Variants in HROB observed in about 807,000 individuals in gnomAD.
HROB encodes the protein homologous recombination OB-fold protein.
A neutral mutation model predicts 61.0 loss-of-function variants in HROB; 44 were observed. That is an observed-to-expected ratio of 0.72 (90% CI 0.57 to 0.93). The LOEUF is 0.93. Among genes scored for constraint, HROB ranks in the 40% least tolerant of loss-of-function variants. HROB has a pLI of 0.00. For missense variants in HROB, 716 were observed against 796.2 expected, an observed-to-expected ratio of 0.90 and a Z score of 1.21; for synonymous variants, 301 against 310.4, an observed-to-expected ratio of 0.97 and a Z score of 0.32.
chr17:44,149,544 TGACCCTCTTTTCCTTTTTTTAAGAA>T (rs1422719501), intron 3 of HROB, among the ~76,000 whole-genome samples: 5 of 152,194 alleles, frequency 3.3e-5, no homozygotes, highest in Non-Finnish European at 4.4e-5. Flanking sequence ...CCACCACGCC[TGACCCTCTTTTCCTTTTTTTAAGAA>T]GACCCTCTTT....
At position 44,148,055 on chromosome 17, in the gene HROB, C is replaced by T. The variant is rs1333810297; in HGVS notation, c.252C>T (p.Ser84=). 1 of 1,614,050 alleles carries T rather than the reference C, an allele frequency of 6.2e-7. No homozygotes were observed. The highest frequency in any genetic ancestry group is 8.5e-7 in the Non-Finnish European group (1 of 1,180,042). The change falls in exon 3 of 10, where the codon TCC becomes TCT. Residue 84 remains serine (S), a synonymous_variant. Transcript: ENST00000585683. ...LPDLDLCLPA[S]STPSADSRPS... is the part of the protein sequence containing the mutation. Reference sequence around the variant, plus strand: ...ACTTGGACCTCTGCCTCCCTGCCTCCAGCACGCCCAGTGCTGACAGCCGTC... The same window carrying T: ...ACTTGGACCTCTGCCTCCCTGCCTCTAGCACGCCCAGTGCTGACAGCCGTC...
intron 2 of HROB, 60 bp from the exon 3 acceptor site, chr17:44,147,798 A>G (rs2053655815): frequency 1.3e-6 from 2 of 1,486,560 alleles, no homozygotes; most frequent in East Asian, 4.5e-5. Flanking sequence ...CCTGAACAGT[A>G]AAAGCAGAGG....
chr17:44,161,390 A>G (rs2054135798), intron 9 of HROB, among the ~76,000 whole-genome samples: 2 of 152,146 alleles, frequency 1.3e-5, no homozygotes, highest in Admixed American at 1.3e-4. Context: ...CATAAGTACC[A>G]CATCTGAGAA....
Position 44,147,965 on chromosome 17 carries a change from G to C in HROB, c.162G>C (p.Gln54His). The C allele has an allele frequency of 6.2e-7, 1 of 1,613,974 alleles. No individual in the cohort carries two copies. The highest frequency in any genetic ancestry group is 8.5e-7 in the Non-Finnish European group (1 of 1,179,926). ...PVSSRPQETVQAQSSRLLLLH... is the reference protein window; with the variant it reads ...PVSSRPQETVHAQSSRLLLLH... ...CTTCTAGGCCACAGGAGACTGTGCA[G>C]GCACAGTCCTCCAGGCTGCTGCTGT... The change falls in exon 3 of 10, where the codon CAG becomes CAC. Residue 54 changes from glutamine to histidine, a missense_variant. By Grantham distance (24) the Gln-to-His change is conservative (BLOSUM62 0). Transcript: ENST00000585683.
intron 8 of HROB, among the ~76,000 whole-genome samples, chr17:44,156,366 G>T (rs2053969334): frequency 6.6e-6 from 1 of 151,788 alleles, no homozygotes; most frequent in Non-Finnish European, 1.5e-5. Flanking sequence ...CTCCCGAACA[G>T]CTGGGACCAT....
chr17:44,143,530 G>A (rs1293800690), intron 1 of HROB, among the ~76,000 whole-genome samples: 1 of 152,022 alleles, frequency 6.6e-6, no homozygotes, highest in Non-Finnish European at 1.5e-5. Flanking sequence ...TGTAATCCCA[G>A]CTACTTGGGA....
chr17:44,149,072 GCAGGGTTC>G (rs1456281039), intron 3 of HROB, 45 bp downstream of exon 3: 1 of 1,554,320 alleles, frequency 6.4e-7, no homozygotes, highest in East Asian at 2.3e-5. Context: ...AGGGAGAGAA[GCAGGGTTC>G]CAGCACTGTC....
At chr17:44,145,620 G>C (rs555576400) in intron 2 of HROB, among the ~76,000 whole-genome samples, 28 of 152,308 alleles carry the variant, frequency 1.8e-4, no homozygotes, top group Admixed American at 3.9e-4. Context: ...AGGAGGCCAG[G>C]GGTCAGCAAT....
At position 44,143,487 on chromosome 17, in the gene HROB, C is replaced by CA. The variant is rs959775972; in HGVS notation, c.3+1351dup. Among the ~76,000 whole-genome samples the CA allele has an allele frequency of 1.4e-3, 212 of 150,198 alleles. No homozygotes were observed. In the East Asian group the frequency reaches 0.015, roughly 10 times the overall value. The stretch of plus-strand genomic sequence containing the variant: ...TGAAACCCTGTCTCAACTAAAAATA[C>CA]AAAAAAAAATAGCCAGGCATTGTGG... On this transcript the variant is annotated intron_variant, in intron 1 of 9. Transcript: ENST00000585683.
chr17:44,159,407 G>C (rs1282182699), intron 9 of HROB, among the ~76,000 whole-genome samples: 9 of 152,160 alleles, frequency 5.9e-5, no homozygotes, highest in Non-Finnish European at 1.5e-5. Context: ...GACAAGAGTT[G>C]GGTGCCAGAT....
At chr17:44,160,341 G>T (rs2054100083) in intron 9 of HROB, among the ~76,000 whole-genome samples, 1 of 152,194 alleles carries the variant, frequency 6.6e-6, no homozygotes, top group Non-Finnish European at 1.5e-5. Context: ...GCCAAGGTGG[G>T]CGGATCACGA....
chr17:44,152,622 G>A lies in HROB; in HGVS notation c.1309-15G>A. On this transcript the variant is annotated splice_polypyrimidine_tract_variant and intron_variant, in intron 4 of 9. Transcript: ENST00000585683. ...ACCTATTCATACAGGCTCCCCCTCTGCTCTGTGGTACCAGATTGTTGCTAG... is the reference window on the plus strand; with the variant it reads ...ACCTATTCATACAGGCTCCCCCTCTACTCTGTGGTACCAGATTGTTGCTAG... 6.2e-7 allele frequency: 1 copy of A among 1,613,570 alleles called. No homozygotes were observed. The highest frequency in any genetic ancestry group is 8.5e-7 in the Non-Finnish European group (1 of 1,179,672).
chr17:44,145,322 T>G, intron 2 of HROB, 69 bp downstream of exon 2: 1 of 1,582,168 alleles, frequency 6.3e-7, no homozygotes, highest in Non-Finnish European at 8.7e-7. Context: ...GTTCAGAACA[T>G]TTTGGATTAG....
intron 6 of HROB, 77 bp downstream of exon 6, chr17:44,154,741 C>T: frequency 6.3e-7 from 1 of 1,593,796 alleles, no homozygotes; most frequent in Non-Finnish European, 8.6e-7. Context: ...CACCCTCTCC[C>T]TTTGCAGACA....
At chr17:44,145,881 ATTTAT>A (rs2053595366) in intron 2 of HROB, among the ~76,000 whole-genome samples, 1 of 151,994 alleles carries the variant, frequency 6.6e-6, no homozygotes, top group South Asian at 2.1e-4. Flanking sequence ...TTTCTTCAAC[ATTTAT>A]TTTAAGTTCA....
At chr17:44,158,592 C>T (rs868480267) in intron 9 of HROB, among the ~76,000 whole-genome samples, 5 of 152,094 alleles carry the variant, frequency 3.3e-5, no homozygotes, top group Non-Finnish European at 7.4e-5. Context: ...AAGCAGTCCT[C>T]CCACCTCAGC....
In HROB at chr17:44,155,344, T is replaced by A; in HGVS notation, c.1703T>A (p.Leu568Gln). The A allele has an allele frequency of 6.2e-7, 1 of 1,614,164 alleles. No homozygotes were observed. Among genetic ancestry groups the A allele is most frequent in the Non-Finnish European group, 8.5e-7 (1 of 1,180,020 alleles). Residue 568 changes from leucine to glutamine, a missense_variant, in exon 8 of 10, where the codon CTG becomes CAG. Coordinates refer to ENST00000585683, the MANE Select transcript of HROB (RefSeq NM_001171251.3). The part of the protein sequence containing the change: ...NHYLNVTPNN[L>Q]VHIYSPDSGD... ...TACCTCAACGTGACACCCAACAACC[T>A]GGTCCATATTTACAGCCCGGATTCT... is the stretch of plus-strand genomic sequence containing the variant.
chr17:44,155,762 A>G (rs933791731), intron 8 of HROB, among the ~76,000 whole-genome samples: 2 of 152,200 alleles, frequency 1.3e-5, no homozygotes, highest in Admixed American at 6.5e-5. Context: ...TACAGGTGGC[A>G]GTGTGGAGAA....
intron 3 of HROB, among the ~76,000 whole-genome samples, chr17:44,149,315 C>T (rs901426514): frequency 1.3e-5 from 2 of 151,546 alleles, no homozygotes; most frequent in African/African-American, 2.4e-5. Context: ...GTGGCGCAAT[C>T]TCAGCTCACT....
Sources: gnomAD v4.1 joint callset for allele counts (sites outside exome capture counted in the v4.1 genomes callset) on GRCh38, gnomAD v4.1.1 for gene constraint, MANE v1.5 for transcripts, NCBI Gene and HGNC (gene_info 2026-07-23, HGNC 2026-07-21) for gene names.